Variants in TMEM267 observed in about 807,000 individuals in gnomAD.
TMEM267 encodes transmembrane protein 267.
TMEM267 carries 20 observed loss-of-function variants against 19.3 expected under a neutral mutation model. That is an observed-to-expected ratio of 1.04 (90% CI 0.73 to 1.51). The LOEUF (loss-of-function observed/expected upper bound fraction) is 1.51, where lower values mean the gene tolerates loss of function less well. Ranked by LOEUF, TMEM267 falls within the 40% of genes most tolerant of loss-of-function variation. The probability of loss-of-function intolerance (pLI) is 0.00; values close to 1 mark genes in which losing one functional copy is unlikely to be tolerated. For synonymous variants in TMEM267, 88 were observed against 90.3 expected (o/e 0.97, Z 0.15); for missense variants, 242 against 261.9 (o/e 0.92, Z 0.52).
In TMEM267 at chr5:43,453,896, C is replaced by A. The variant is rs777651825; in HGVS notation, c.74G>T (p.Gly25Val). 1.2e-6 allele frequency: 2 copies of A among 1,614,006 alleles called. No homozygotes were observed. The highest frequency in any genetic ancestry group is 1.7e-6 in the Non-Finnish European group (2 of 1,179,994). The change falls in exon 2 of 3, where the codon GGT (glycine) becomes GTT (valine). Residue 25 changes from glycine to valine, a missense_variant. Physicochemically the swap from Gly to Val is moderately radical, Grantham distance 109. Transcript: ENST00000397080. ...AGCTACGAGGCAAAATGCCCCCAGA[C>A]CAAGGCTGGAAATAAGAGATTCAGT... ...CSTESLISSLGLGAFCLVADR... is the reference protein window; with the variant it reads ...CSTESLISSLVLGAFCLVADR...
intron 1 of TMEM267, chr5:43,479,894 A>G (rs1744659760): frequency 2.2e-6 from 1 of 444,484 alleles, no homozygotes; most frequent in Non-Finnish European, 4.5e-6. Flanking sequence ...ACATACCTCC[A>G]TTACAAAGTC....
intron 2 of TMEM267, 101 bp from the exon 3 acceptor site, chr5:43,446,658 A>T: frequency 1.4e-6 from 1 of 694,126 alleles, no homozygotes; most frequent in South Asian, 2.3e-5. Context: ...AGTCTATTGG[A>T]CATGCAAAAG....
chr5:43,463,627 C>G (rs1285083809), intron 1 of TMEM267, among the ~76,000 whole-genome samples: 1 of 152,194 alleles, frequency 6.6e-6, no homozygotes, highest in Non-Finnish European at 1.5e-5. Flanking sequence ...GGCTTCATCC[C>G]TGGGATGCAA....
At chr5:43,470,486 AAAATGTAT>A (rs1327743605) in intron 1 of TMEM267, among the ~76,000 whole-genome samples, 1 of 152,198 alleles carries the variant, frequency 6.6e-6, no homozygotes, top group African/African-American at 2.4e-5. Context: ...CATGACTCCC[AAAATGTAT>A]AAAAGCAAGC....
chr5:43,456,695 A>G (rs1162799929), intron 1 of TMEM267, among the ~76,000 whole-genome samples: 2 of 152,242 alleles, frequency 1.3e-5, no homozygotes, highest in African/African-American at 4.8e-5. Context: ...CAAATTTTAA[A>G]AATTAGATAT....
At chr5:43,464,634 C>T (rs1377555939) in intron 1 of TMEM267, among the ~76,000 whole-genome samples, 1 of 152,204 alleles carries the variant, frequency 6.6e-6, no homozygotes, top group African/African-American at 2.4e-5. Context: ...CAGAACAGAG[C>T]CCTCAGAAAT....
At chr5:43,464,936 CA>C in intron 1 of TMEM267, among the ~76,000 whole-genome samples, 1 of 152,030 alleles carries the variant, frequency 6.6e-6, no homozygotes, top group Non-Finnish European at 1.5e-5. Context: ...CAATGGCAAC[CA>C]AAGCCAAAAT....
At chr5:43,467,418 A>G (rs1376307234) in intron 1 of TMEM267, among the ~76,000 whole-genome samples, 1 of 152,154 alleles carries the variant, frequency 6.6e-6, no homozygotes, top group Non-Finnish European at 1.5e-5. Context: ...AATGGAAGCC[A>G]AAAAAGAGCA....
At chr5:43,478,900 T>C (rs547275372) in intron 1 of TMEM267, among the ~76,000 whole-genome samples, 5 of 152,216 alleles carry the variant, frequency 3.3e-5, no homozygotes, top group South Asian at 2.1e-4. Context: ...TCAAAGATTA[T>C]TGGCAAGAAT....
Position 43,471,868 on chromosome 5 carries a change from C to T in TMEM267, c.-75+11954G>A, listed in dbSNP as rs373881057. On this transcript the variant is annotated intron_variant, in intron 1 of 2. Coordinates refer to ENST00000397080, the MANE Select transcript of TMEM267 (RefSeq NM_022483.5). ...AAGAAAACATTGGGGAAAATCTCCA[C>T]GACATTGATGTGGGCAAAAATTTCT... Among the ~76,000 whole-genome samples, 4 of 152,168 alleles carry T rather than the reference C, an allele frequency of 2.6e-5. No homozygotes were observed. The South Asian group carries it at 6.2e-4, about 24-fold the overall frequency.
At chr5:43,483,374 G>T (rs1294216097) in intron 1 of TMEM267, among the ~76,000 whole-genome samples, 1 of 152,198 alleles carries the variant, frequency 6.6e-6, no homozygotes, top group Non-Finnish European at 1.5e-5. Flanking sequence ...AGGCTGCAGG[G>T]AAAGGACCAT....
At chr5:43,459,251 C>A (rs1743118592) in intron 1 of TMEM267, among the ~76,000 whole-genome samples, 2 of 152,040 alleles carry the variant, frequency 1.3e-5, no homozygotes, top group Middle Eastern at 6.8e-3. Flanking sequence ...CAATCTCTAG[C>A]AGGAAGGGAG....
chr5:43,465,568 C>A (rs1406111704), intron 1 of TMEM267, among the ~76,000 whole-genome samples: 3 of 152,122 alleles, frequency 2.0e-5, no homozygotes, highest in Non-Finnish European at 4.4e-5. Context: ...AAATGTCCAA[C>A]AATGATAGAC....
In TMEM267 at chr5:43,446,112, T is replaced by C; in HGVS notation, c.*110A>G. Reference sequence around the variant, plus strand: ...GAGCAAGAGGATTGCAGAATTATAATAACTAAATAATATAAACACCTAACT... The same window carrying C: ...GAGCAAGAGGATTGCAGAATTATAACAACTAAATAATATAAACACCTAACT... On this transcript the variant is annotated 3_prime_UTR_variant, in exon 3 of 3. Coordinates refer to ENST00000397080, the MANE Select transcript of TMEM267 (RefSeq NM_022483.5). 2 of 656,588 alleles carry C rather than the reference T, an allele frequency of 3.0e-6. No individual in the cohort carries two copies. Among genetic ancestry groups the C allele is most frequent in the Non-Finnish European group, 5.0e-6 (2 of 396,950 alleles). The allele number at this position is 656,588 out of a possible 1,614,324, so 40.7% of individuals were successfully genotyped here. A position where few individuals can be genotyped will look rare whatever the true frequency, so the allele number is the denominator to read the frequency against.
At chr5:43,476,087 G>C (rs1317649452) in intron 1 of TMEM267, 1 of 152,196 alleles carries the variant, frequency 6.6e-6, no homozygotes, top group African/African-American at 2.4e-5. Context: ...TGTGAAGTTT[G>C]CATGTGCTGC....
chr5:43,476,525 T>A (rs1003170466), intron 1 of TMEM267, among the ~76,000 whole-genome samples: 3 of 146,072 alleles, frequency 2.1e-5, no homozygotes, highest in African/African-American at 7.7e-5. Context: ...TTTTTTTTTT[T>A]TTTTTTTTTT....
chr5:43,479,191 C>A (rs1744608660), intron 1 of TMEM267, among the ~76,000 whole-genome samples: 1 of 151,676 alleles, frequency 6.6e-6, no homozygotes, highest in African/African-American at 2.4e-5. Flanking sequence ...GAAAGATGTT[C>A]ATTAAGTATT....
intron 1 of TMEM267, among the ~76,000 whole-genome samples, chr5:43,464,777 C>T (rs1743532576): frequency 6.6e-6 from 1 of 152,196 alleles, no homozygotes; most frequent in South Asian, 2.1e-4. Context: ...AACTGGATCC[C>T]TTCCTTACAC....
chr5:43,476,508 CTTTTTTTTTTT>C (rs67848213), intron 1 of TMEM267, among the ~76,000 whole-genome samples: 10 of 54,798 alleles, frequency 1.8e-4, no homozygotes, highest in African/African-American at 3.1e-4. Flanking sequence ...AAAGCCAGAC[CTTTTTTTTTTT>C]TTTTTTTTTT....
Sources: allele counts gnomAD v4.1 joint callset (sites outside exome capture counted in the v4.1 genomes callset), GRCh38; gene constraint gnomAD v4.1.1; transcripts MANE v1.5; gene names NCBI Gene and HGNC (gene_info 2026-07-23, HGNC 2026-07-21).